Variants in MAP7D2 observed in about 807,000 individuals in gnomAD.
MAP7D2 encodes MAP7 domain containing 2, also known as MAP7 domain-containing protein 2.
A neutral mutation model predicts 63.5 loss-of-function variants in MAP7D2; 33 were observed. The observed-to-expected ratio is 0.52, with a 90% CI of 0.39 to 0.70. The LOEUF (loss-of-function observed/expected upper bound fraction) is 0.70. Ranked by LOEUF, MAP7D2 falls within the 30% of genes least tolerant of loss-of-function variation. The probability of loss-of-function intolerance (pLI) is 0.00; values close to 1 mark genes in which losing one functional copy is unlikely to be tolerated. For missense variants in MAP7D2, 626 were observed against 604.0 expected, an observed-to-expected ratio of 1.04 and a Z score of -0.38; for synonymous variants, 224 against 223.7, an observed-to-expected ratio of 1.00 and a Z score of -0.01.
intron 3 of MAP7D2, 78 bp downstream of exon 3, chrX:20,063,336 G>A (rs887412608): frequency 6.4e-6 from 7 of 1,093,571 alleles, no homozygotes; most frequent in Non-Finnish European, 8.6e-6. Context: ...CTACCCCAGA[G>A]CTGGGCAGGA....
At chrX:20,048,185 C>A (rs1025295288) in intron 6 of MAP7D2, among the ~76,000 whole-genome samples, 1 of 111,914 alleles carries the variant, frequency 8.9e-6, no homozygotes, top group Non-Finnish European at 1.9e-5. Context: ...GCTCACAGGG[C>A]ATAAACAAAC....
chrX:20,036,473 A>C lies in MAP7D2; in HGVS notation c.1007+6029T>G, dbSNP rs924226172. ...TGGCCAGGCTGGTCTCAAACACCTG[A>C]CCTTGTGATCCACCCACCTTGGCCT... On this transcript the variant is annotated intron_variant, in intron 8 of 16. Transcript: ENST00000379643. Among the ~76,000 whole-genome samples the C allele has an allele frequency of 3.8e-5, 4 of 105,100 alleles. No homozygotes were observed. The Admixed American group carries it at 4.1e-4, about 11-fold the overall frequency. 91.3% of individuals were successfully genotyped at this position (105,100 alleles called of 115,157 possible). A position where few individuals can be genotyped will look rare whatever the true frequency, so the allele number is the denominator to read the frequency against.
At chrX:20,039,551 T>C (rs1003708346) in intron 8 of MAP7D2, among the ~76,000 whole-genome samples, 4 of 111,792 alleles carry the variant, frequency 3.6e-5, no homozygotes, top group African/African-American at 1.3e-4. Context: ...ATGGTTAATA[T>C]TGAGTTTCAA....
intron 1 of MAP7D2, among the ~76,000 whole-genome samples, chrX:20,075,607 T>A (rs981699491): frequency 1.3e-4 from 14 of 111,340 alleles, no homozygotes; most frequent in African/African-American, 4.6e-4. Context: ...TCAGTGTGTG[T>A]GTGCACAAAT....
At chrX:20,025,171 G>GA in intron 9 of MAP7D2, 88 bp from the exon 10 acceptor site, 9 of 1,064,292 alleles carry the variant, frequency 8.5e-6, no homozygotes, top group Admixed American at 5.8e-5. Context: ...AGTTGGAAGT[G>GA]AAAAAAAATC....
intron 1 of MAP7D2, 54 bp from the exon 2 acceptor site, chrX:20,064,859 C>G: frequency 9.3e-7 from 1 of 1,075,699 alleles, no homozygotes; most frequent in Non-Finnish European, 1.3e-6. Context: ...TCCCTATCTG[C>G]TAAGTACTAT....
At position 20,116,802 on chromosome X, in the gene MAP7D2, C is replaced by G; in HGVS notation, c.78G>C (p.Lys26Asn). The G allele has an allele frequency of 8.4e-7, 1 of 1,191,888 alleles. No individual in the cohort carries two copies. Among genetic ancestry groups the G allele is most frequent in the Non-Finnish European group, 1.1e-6 (1 of 886,789 alleles). The change falls in exon 1 of 17, where the codon AAG becomes AAC. Residue 26 changes from lysine (K) to asparagine (N), a missense_variant. Lys to Asn is a moderately conservative substitution (Grantham distance 94). Transcript: ENST00000379643. ...GTARGTSLPG[K>N]IAEPGAVRTS... Reference sequence around the variant, plus strand: ...TCCGCACCGCGCCCGGTTCTGCGATCTTCCCTGGGAGAGAGGTTCCCCGCG... The same window carrying G: ...TCCGCACCGCGCCCGGTTCTGCGATGTTCCCTGGGAGAGAGGTTCCCCGCG...
At chrX:20,051,995 G>T (rs1467621276) in intron 5 of MAP7D2, among the ~76,000 whole-genome samples, 1 of 111,958 alleles carries the variant, frequency 8.9e-6, no homozygotes, top group South Asian at 3.7e-4. Context: ...ACCTTATAGG[G>T]TCTCTGACAC....
At chrX:20,081,423 T>G (rs2065774291) in intron 1 of MAP7D2, among the ~76,000 whole-genome samples, 1 of 112,098 alleles carries the variant, frequency 8.9e-6, no homozygotes, top group Non-Finnish European at 1.9e-5. Context: ...TAGGACAAGC[T>G]GCACTCTTGA....
chrX:20,031,546 C>CCTG (rs2074052102), intron 8 of MAP7D2, among the ~76,000 whole-genome samples: 1 of 110,101 alleles, frequency 9.1e-6, no homozygotes, highest in Non-Finnish European at 1.9e-5. Flanking sequence ...GCAGGCAGAT[C>CCTG]ACTTGAGGTC....
chrX:20,084,868 C>T (rs945759098), intron 1 of MAP7D2, among the ~76,000 whole-genome samples: 1 of 111,553 alleles, frequency 9.0e-6, no homozygotes, highest in Non-Finnish European at 1.9e-5. Context: ...CTACCACACC[C>T]GGCCAGTAGG....
intron 8 of MAP7D2, among the ~76,000 whole-genome samples, chrX:20,038,293 T>A (rs1254215843): frequency 8.9e-6 from 1 of 112,129 alleles, no homozygotes; most frequent in Non-Finnish European, 1.9e-5. Flanking sequence ...ACCTTCATGG[T>A]ATTCCACATA....
intron 8 of MAP7D2, among the ~76,000 whole-genome samples, chrX:20,037,648 A>G (rs1167118137): frequency 8.9e-6 from 1 of 111,928 alleles, no homozygotes; most frequent in East Asian, 2.8e-4. Flanking sequence ...GGAAGGAGAA[A>G]TGGTCAGATA....
intron 1 of MAP7D2, among the ~76,000 whole-genome samples, chrX:20,066,079 C>T (rs1307511077): frequency 2.7e-5 from 3 of 110,370 alleles, no homozygotes; most frequent in Admixed American, 9.6e-5. Context: ...CCCGCCACCG[C>T]GCCCGGCTAA....
At chrX:20,029,110 C>T (rs1420618142) in intron 8 of MAP7D2, among the ~76,000 whole-genome samples, 1 of 112,555 alleles carries the variant, frequency 8.9e-6, no homozygotes. Context: ...CTCTGGGCTT[C>T]TCTAAGCAGT....
intron 1 of MAP7D2, among the ~76,000 whole-genome samples, chrX:20,084,680 T>C (rs2065866405): frequency 9.1e-6 from 1 of 109,552 alleles, no homozygotes; most frequent in Admixed American, 9.9e-5. Context: ...GCAATTCTCC[T>C]GCCTCAGCCT....
At chrX:20,020,045 G>C (rs1264507039) in intron 10 of MAP7D2, among the ~76,000 whole-genome samples, 2 of 111,807 alleles carry the variant, frequency 1.8e-5, no homozygotes, top group Non-Finnish European at 3.8e-5. Flanking sequence ...CTCAATCTTC[G>C]TCATCTTCCT....
At chrX:20,105,721 G>T (rs1478006637) in intron 1 of MAP7D2, among the ~76,000 whole-genome samples, 1 of 111,264 alleles carries the variant, frequency 9.0e-6, no homozygotes, top group Non-Finnish European at 1.9e-5. Flanking sequence ...CGACTCAGCA[G>T]ACCCTACCCA....
chrX:20,060,200 A>T, intron 3 of MAP7D2, among the ~76,000 whole-genome samples: 1 of 109,238 alleles, frequency 9.2e-6, no homozygotes, highest in South Asian at 3.9e-4. Context: ...TTGTATTTTT[A>T]GTAGAGATGG....
Sources: allele counts gnomAD v4.1 joint callset (sites outside exome capture counted in the v4.1 genomes callset), GRCh38; gene constraint gnomAD v4.1.1; transcripts MANE v1.5; gene names NCBI Gene and HGNC (gene_info 2026-07-23, HGNC 2026-07-21).